The following GALNT17 variants were observed in gnomAD, a reference collection of about 807,000 sequenced individuals.
GALNT17 encodes polypeptide N-acetylgalactosaminyltransferase 17, also known as UDP-GalNAc:polypeptide N-acetylgalactosaminyltransferase-like 3.
Under a neutral mutation model 63.7 loss-of-function variants are expected in GALNT17, and 29 were observed. The observed-to-expected ratio is 0.46, with a 90% CI of 0.34 to 0.62. The LOEUF (loss-of-function observed/expected upper bound fraction) is 0.62, where lower values mean the gene tolerates loss of function less well. Among genes scored for constraint, GALNT17 ranks in the 20% least tolerant of loss-of-function variants. The probability of loss-of-function intolerance (pLI) is 0.01; values close to 1 mark genes in which losing one functional copy is unlikely to be tolerated. For synonymous variants in GALNT17, 305 were observed against 318.3 expected (o/e 0.96, Z 0.45); for missense variants, 603 against 799.6 (o/e 0.75, Z 2.97).
chr7:71,335,433 A>G, intron 1 of GALNT17, 117 bp from the exon 2 acceptor site: 4 of 1,058,074 alleles, frequency 3.8e-6, no homozygotes, highest in Non-Finnish European at 5.2e-6. Context: ...AATTGAGGAC[A>G]TCATTTTTTC....
At chr7:71,575,162 C>T (rs1193137462) in intron 6 of GALNT17, among the ~76,000 whole-genome samples, 1 of 152,116 alleles carries the variant, frequency 6.6e-6, no homozygotes, top group Non-Finnish European at 1.5e-5. Context: ...CTATTTTGTA[C>T]TACTTAGGGC....
At chr7:71,180,808 T>C (rs994670508) in intron 1 of GALNT17, among the ~76,000 whole-genome samples, 5 of 152,090 alleles carry the variant, frequency 3.3e-5, no homozygotes, top group African/African-American at 1.2e-4. Flanking sequence ...ATTTGGATGG[T>C]GTGCATGAGA....
At chr7:71,168,728 T>TGTGTGTGG (rs1426003550) in intron 1 of GALNT17, among the ~76,000 whole-genome samples, 3 of 151,920 alleles carry the variant, frequency 2.0e-5, no homozygotes, top group Non-Finnish European at 4.4e-5. Flanking sequence ...TGTGTGTGTG[T>TGTGTGTGG]GTGTGTGGTA....
intron 2 of GALNT17, among the ~76,000 whole-genome samples, chr7:71,383,365 C>T (rs924820779): frequency 2.6e-5 from 4 of 152,172 alleles, no homozygotes; most frequent in African/African-American, 7.2e-5. Context: ...TTTAAATCAT[C>T]TCTAGATTAC....
intron 1 of GALNT17, among the ~76,000 whole-genome samples, chr7:71,243,131 G>T (rs528736233): frequency 6.6e-6 from 1 of 152,214 alleles, no homozygotes; most frequent in South Asian, 2.1e-4. Context: ...GATAGTGAGT[G>T]ATTTCTCACG....
intron 5 of GALNT17, among the ~76,000 whole-genome samples, chr7:71,434,722 G>C (rs1419375351): frequency 6.6e-6 from 1 of 152,036 alleles, no homozygotes; most frequent in Non-Finnish European, 1.5e-5. Context: ...TTGAAATGTC[G>C]ATTGTTCCAC....
chr7:71,421,552 A>G (rs1786665420), intron 5 of GALNT17, among the ~76,000 whole-genome samples: 2 of 152,066 alleles, frequency 1.3e-5, no homozygotes, highest in South Asian at 4.2e-4. Flanking sequence ...AACTGGAGGG[A>G]TGTTGGGGAG....
intron 5 of GALNT17, among the ~76,000 whole-genome samples, chr7:71,517,485 C>T (rs373749869): frequency 1.3e-5 from 2 of 152,104 alleles, no homozygotes; most frequent in East Asian, 1.9e-4. Context: ...GCTGTTTTAG[C>T]CCACCTTACC....
intron 9 of GALNT17, among the ~76,000 whole-genome samples, chr7:71,689,553 G>A (rs1791411025): frequency 6.6e-6 from 1 of 152,224 alleles, no homozygotes; most frequent in African/African-American, 2.4e-5. Flanking sequence ...AAGTGAGGAA[G>A]CTACAGAAGA....
intron 6 of GALNT17, among the ~76,000 whole-genome samples, chr7:71,659,377 A>G (rs1040994630): frequency 1.3e-5 from 2 of 152,090 alleles, no homozygotes; most frequent in African/African-American, 2.4e-5. Flanking sequence ...TCTGCTCCAC[A>G]TGGCCCTGGC....
At chr7:71,236,115 A>C (rs1789884991) in intron 1 of GALNT17, among the ~76,000 whole-genome samples, 1 of 151,864 alleles carries the variant, frequency 6.6e-6, no homozygotes, top group Non-Finnish European at 1.5e-5. Flanking sequence ...CAGGAGGTGG[A>C]GGTTGCAGTG....
intron 5 of GALNT17, among the ~76,000 whole-genome samples, chr7:71,444,529 T>A (rs571817837): frequency 6.6e-6 from 1 of 152,240 alleles, no homozygotes; most frequent in African/African-American, 2.4e-5. Flanking sequence ...CATCTCTCCC[T>A]CTCTGGGCCA....
At chr7:71,521,307 G>A (rs767885775) in intron 5 of GALNT17, among the ~76,000 whole-genome samples, 12 of 151,614 alleles carry the variant, frequency 7.9e-5, no homozygotes, top group South Asian at 2.1e-4. Flanking sequence ...TAGCACATCT[G>A]TCCCCAGGTG....
At chr7:71,178,030 T>C (rs1443055932) in intron 1 of GALNT17, among the ~76,000 whole-genome samples, 1 of 152,198 alleles carries the variant, frequency 6.6e-6, no homozygotes, top group East Asian at 1.9e-4. Context: ...CCTGTATACC[T>C]GAGATACCAT....
intron 1 of GALNT17, among the ~76,000 whole-genome samples, chr7:71,140,162 G>A (rs1373121708): frequency 6.6e-6 from 1 of 152,190 alleles, no homozygotes; most frequent in Admixed American, 6.5e-5. Flanking sequence ...AAGGAGCGAA[G>A]GGAGAGGGCA....
intron 3 of GALNT17, among the ~76,000 whole-genome samples, chr7:71,391,181 G>T (rs1480561445): frequency 6.6e-6 from 1 of 152,148 alleles, no homozygotes; most frequent in Admixed American, 6.5e-5. Flanking sequence ...GTGAGCTAGT[G>T]GCAAAAAGAC....
At chr7:71,505,536 G>A (rs1303579498) in intron 5 of GALNT17, among the ~76,000 whole-genome samples, 1 of 152,122 alleles carries the variant, frequency 6.6e-6, no homozygotes, top group Non-Finnish European at 1.5e-5. Context: ...GGAGTTCAGG[G>A]CTGCAGTGAG....
chr7:71,592,542 A>AGC (rs61555504), intron 6 of GALNT17, among the ~76,000 whole-genome samples: 4,765 of 107,194 alleles, frequency 0.044, 144 homozygotes, highest in African/African-American at 0.087. Context: ...AAAATAAAAT[A>AGC]AAATAGCATA....
intron 1 of GALNT17, among the ~76,000 whole-genome samples, chr7:71,167,387 A>G (rs1295796833): frequency 6.6e-6 from 1 of 152,094 alleles, no homozygotes; most frequent in East Asian, 1.9e-4. Context: ...TGTCATTTGT[A>G]TAGCTTCTTC....
Sources: allele counts gnomAD v4.1 joint callset (sites outside exome capture counted in the v4.1 genomes callset), GRCh38; gene constraint gnomAD v4.1.1; transcripts MANE v1.5; gene names NCBI Gene and HGNC (gene_info 2026-07-23, HGNC 2026-07-21).